The following SAMTOR variants were observed in gnomAD, a reference collection of about 807,000 sequenced individuals.
The protein encoded by SAMTOR is S-adenosylmethionine sensor upstream of mTORC1.
chr7:112,898,036 G>A, the SAMTOR span, among the ~76,000 whole-genome samples: 1 of 152,170 alleles, frequency 6.6e-6, no homozygotes, highest in African/African-American at 2.4e-5. Context: ...CTTTGCACTG[G>A]AACTCCATGT....
chr7:112,886,875 G>A, the SAMTOR span, among the ~76,000 whole-genome samples: 1 of 152,134 alleles, frequency 6.6e-6, no homozygotes, highest in Non-Finnish European at 1.5e-5. Flanking sequence ...TTCTTTAAAA[G>A]ATCATACTGG....
At chr7:112,840,040 T>G in the SAMTOR span, among the ~76,000 whole-genome samples, 2 of 151,820 alleles carry the variant, frequency 1.3e-5, no homozygotes, top group African/African-American at 4.8e-5. Flanking sequence ...GCTCTACCTA[T>G]TCTATGTTTC....
At chr7:112,935,590 T>A in the SAMTOR span, among the ~76,000 whole-genome samples, 1 of 152,180 alleles carries the variant, frequency 6.6e-6, no homozygotes, top group African/African-American at 2.4e-5. Flanking sequence ...CTTTTACTTT[T>A]TTTTGTGATT....
At chr7:112,922,045 C>T in the SAMTOR span, among the ~76,000 whole-genome samples, 1 of 152,114 alleles carries the variant, frequency 6.6e-6, no homozygotes, top group Non-Finnish European at 1.5e-5. Context: ...CGGCTCACTG[C>T]AACCTCCCTG....
the SAMTOR span, among the ~76,000 whole-genome samples, chr7:112,909,474 A>C: frequency 2.6e-5 from 4 of 152,194 alleles, no homozygotes; most frequent in Admixed American, 1.3e-4. Flanking sequence ...CCCAAACTGA[A>C]AATTAAGTGA....
At chr7:112,859,368 T>C in the SAMTOR span, among the ~76,000 whole-genome samples, 1 of 152,352 alleles carries the variant, frequency 6.6e-6, no homozygotes, top group South Asian at 2.1e-4. Context: ...ATTACTAACA[T>C]TTGCGGAGTT....
the SAMTOR span, among the ~76,000 whole-genome samples, chr7:112,933,571 T>C: frequency 6.6e-6 from 1 of 152,168 alleles, no homozygotes; most frequent in Non-Finnish European, 1.5e-5. Flanking sequence ...CAGAAATAAA[T>C]ATTTCATAGG....
chr7:112,865,198 C>T, the SAMTOR span, among the ~76,000 whole-genome samples: 1 of 152,126 alleles, frequency 6.6e-6, no homozygotes, highest in Non-Finnish European at 1.5e-5. Flanking sequence ...GCCTTAAACC[C>T]AGCACTTTGG....
At chr7:112,870,750 TA>T in the SAMTOR span, among the ~76,000 whole-genome samples, 5,606 of 135,496 alleles carry the variant, frequency 0.041, 102 homozygotes, top group Admixed American at 0.062. Context: ...GAAATTGGAT[TA>T]AAAAAAAAAA....
At chr7:112,849,151 A>G in the SAMTOR span, among the ~76,000 whole-genome samples, 1 of 152,328 alleles carries the variant, frequency 6.6e-6, no homozygotes, top group Non-Finnish European at 1.5e-5. Flanking sequence ...TTTTAAAAAA[A>G]GAAAATATCT....
chr7:112,851,891 A>AT, the SAMTOR span, among the ~76,000 whole-genome samples: 2 of 152,204 alleles, frequency 1.3e-5, no homozygotes, highest in African/African-American at 4.8e-5. Context: ...TCCAACAAAT[A>AT]TATGAAAAAA....
the SAMTOR span, among the ~76,000 whole-genome samples, chr7:112,935,533 CT>C: frequency 6.6e-6 from 1 of 152,178 alleles, no homozygotes; most frequent in Non-Finnish European, 1.5e-5. Context: ...AGATCACCCC[CT>C]AATTCCATGA....
the SAMTOR span, among the ~76,000 whole-genome samples, chr7:112,830,322 T>A: frequency 6.6e-6 from 1 of 152,114 alleles, no homozygotes; most frequent in African/African-American, 2.4e-5. Context: ...TCTTATCCCA[T>A]CTTGGCTGGA....
At chr7:112,822,051 C>T in the SAMTOR span, 1 of 1,613,582 alleles carries the variant, frequency 6.2e-7, no homozygotes. Flanking sequence ...GTACTTGAAG[C>T]GTTTAAAGCC....
chr7:112,919,179 A>G, the SAMTOR span, among the ~76,000 whole-genome samples: 1 of 152,208 alleles, frequency 6.6e-6, no homozygotes, highest in Non-Finnish European at 1.5e-5. Context: ...CTATTCCAAA[A>G]TTGACCACAT....
the SAMTOR span, among the ~76,000 whole-genome samples, chr7:112,823,805 T>C: frequency 1.3e-5 from 2 of 152,230 alleles, no homozygotes; most frequent in Non-Finnish European, 2.9e-5. Context: ...AGAGTTCCAG[T>C]TCCTCCAAAT....
chr7:112,939,532 G>A, the SAMTOR span: 2 of 1,611,502 alleles, frequency 1.2e-6, no homozygotes, highest in African/African-American at 1.3e-5. Flanking sequence ...GGGAAGAGGT[G>A]ACAAGCGGTT....
At chr7:112,875,442 C>G in the SAMTOR span, among the ~76,000 whole-genome samples, 1 of 152,128 alleles carries the variant, frequency 6.6e-6, no homozygotes, top group Non-Finnish European at 1.5e-5. Context: ...CTTCTAAGCT[C>G]TCTCCATCCC....
the SAMTOR span, chr7:112,821,874 A>G: frequency 5.0e-6 from 8 of 1,613,578 alleles, no homozygotes; most frequent in Middle Eastern, 1.7e-4. Context: ...TTCATCTTCT[A>G]TATCTGATCG....
Sources: allele counts gnomAD v4.1 joint callset (sites outside exome capture counted in the v4.1 genomes callset), GRCh38; gene constraint gnomAD v4.1.1; transcripts MANE v1.5; gene names NCBI Gene and HGNC (gene_info 2026-07-23, HGNC 2026-07-21).